PPP1R12B: variants seen among roughly 807,000 people sequenced by gnomAD.
The protein encoded by PPP1R12B is myosin phosphatase target subunit 2.
In PPP1R12B, 76 loss-of-function variants were observed where a neutral mutation model predicts 126.1. The ratio of observed to expected loss-of-function variants is 0.60; its 90% CI spans 0.50 to 0.73. PPP1R12B has a LOEUF of 0.73. Ranked by LOEUF, PPP1R12B falls within the 30% of genes least tolerant of loss-of-function variation. The pLI is 0.00. For synonymous variants in PPP1R12B, 356 were observed against 434.7 expected (o/e 0.82, Z 2.25); for missense variants, 1,052 against 1,205.1 (o/e 0.87, Z 1.88).
intron 13 of PPP1R12B, among the ~76,000 whole-genome samples, chr1:202,475,095 C>A (rs1294186840): frequency 2.0e-5 from 3 of 152,128 alleles, no homozygotes; most frequent in Admixed American, 6.6e-5. Context: ...TTAAGTGATT[C>A]TCTTAAGACC....
At position 202,537,842 on chromosome 1, in the gene PPP1R12B, T is replaced by C. The variant is rs1047677144; in HGVS notation, c.2491-21035T>C. On this transcript the variant is annotated intron_variant, in intron 18 of 23. Transcript: ENST00000608999. Reference sequence around the variant, plus strand: ...GTCATGCTACCAAGCATGGGAATGTTAGTATTTAGGTTTACATCAGTATTT... The same window carrying C: ...GTCATGCTACCAAGCATGGGAATGTCAGTATTTAGGTTTACATCAGTATTT... 3.3e-5 allele frequency among the ~76,000 whole-genome samples: 5 copies of C among 152,348 alleles called. 1 individual carries two copies.
At chr1:202,394,312 G>GA (rs945803009) in intron 1 of PPP1R12B, among the ~76,000 whole-genome samples, 5 of 148,380 alleles carry the variant, frequency 3.4e-5, no homozygotes, top group Admixed American at 1.3e-4. Flanking sequence ...CTCAAAAAAA[G>GA]AAAAAAAAAA....
intron 5 of PPP1R12B, among the ~76,000 whole-genome samples, 164 bp downstream of exon 5, chr1:202,427,348 CAG>C (rs1669663552): frequency 6.6e-6 from 1 of 152,132 alleles, no homozygotes. Context: ...CCTATTAACA[CAG>C]AGTTATGTTT....
chr1:202,543,827 C>A (rs926266001), intron 18 of PPP1R12B, among the ~76,000 whole-genome samples: 8 of 152,206 alleles, frequency 5.3e-5, no homozygotes, highest in Admixed American at 3.3e-4. Context: ...CTCCTACCGA[C>A]AGTAAGAATG....
At chr1:202,445,340 C>T in intron 12 of PPP1R12B, 3 of 926,726 alleles carry the variant, frequency 3.2e-6, no homozygotes, top group Non-Finnish European at 4.2e-6. Context: ...AGTTAGAACT[C>T]CTGAGAAAAT....
At chr1:202,481,145 G>A (rs1442639549) in intron 13 of PPP1R12B, among the ~76,000 whole-genome samples, 1 of 152,200 alleles carries the variant, frequency 6.6e-6, no homozygotes, top group East Asian at 1.9e-4. Flanking sequence ...TCTGACAGAG[G>A]GCAGAGCTCA....
At chr1:202,379,358 A>G (rs1470500625) in intron 1 of PPP1R12B, among the ~76,000 whole-genome samples, 1 of 152,170 alleles carries the variant, frequency 6.6e-6, no homozygotes, top group Non-Finnish European at 1.5e-5. Context: ...TCCTCCAAAG[A>G]GCCTGATTCA....
At chr1:202,513,716 G>C (rs1276613457) in intron 18 of PPP1R12B, among the ~76,000 whole-genome samples, 1 of 152,172 alleles carries the variant, frequency 6.6e-6, no homozygotes. Flanking sequence ...GTGGTTCAAT[G>C]TCTCAATGAC....
At chr1:202,405,891 C>T (rs184076912) in intron 1 of PPP1R12B, among the ~76,000 whole-genome samples, 238 of 152,244 alleles carry the variant, frequency 1.6e-3, no homozygotes, top group African/African-American at 5.2e-3. Flanking sequence ...CTATATAAAA[C>T]GCTTGATGAA....
intron 23 of PPP1R12B, among the ~76,000 whole-genome samples, chr1:202,573,600 C>T (rs909554233): frequency 1.3e-5 from 2 of 152,196 alleles, no homozygotes; most frequent in African/African-American, 2.4e-5. Flanking sequence ...CATTATTCTC[C>T]TCCCAAAGAG....
rs765370263 is a variant in PPP1R12B, at chr1:202,449,750, G to A, written c.1850+579G>A. ...CGCCCAGGCTGGAGTGCAGTGGCGC[G>A]ATCTCAGCTCACTGCAGGCTCTGCC... On this transcript the variant is annotated intron_variant, in intron 13 of 23. Transcript: ENST00000608999. Among the ~76,000 whole-genome samples the A allele has an allele frequency of 2.9e-4, 44 of 150,952 alleles. 1 individual carries two copies. Among genetic ancestry groups the A allele is most frequent in the South Asian group, 1.1e-3 (5 of 4,748 alleles).
intron 1 of PPP1R12B, among the ~76,000 whole-genome samples, chr1:202,353,635 G>A (rs1275951758): frequency 1.1e-5 from 1 of 93,524 alleles, no homozygotes; most frequent in Non-Finnish European, 2.2e-5. Flanking sequence ...TGTGTGACAG[G>A]GTCTTGCCCT....
At chr1:202,539,212 C>T (rs887262676) in intron 18 of PPP1R12B, among the ~76,000 whole-genome samples, 3 of 152,220 alleles carry the variant, frequency 2.0e-5, no homozygotes, top group African/African-American at 4.8e-5. Flanking sequence ...CTGCTGCCTA[C>T]TCTGAGGCAG....
chr1:202,421,408 G>A (rs1668754008), intron 2 of PPP1R12B, among the ~76,000 whole-genome samples: 3 of 151,060 alleles, frequency 2.0e-5, no homozygotes, highest in South Asian at 2.1e-4. Flanking sequence ...AGGCCGAGGC[G>A]GGCGGACTAC....
At chr1:202,472,320 A>G (rs1676038998) in intron 13 of PPP1R12B, among the ~76,000 whole-genome samples, 1 of 152,078 alleles carries the variant, frequency 6.6e-6, no homozygotes, top group South Asian at 2.1e-4. Flanking sequence ...TTGTGTGTTT[A>G]GTTTCTTGAG....
At chr1:202,539,421 G>T (rs531997071) in intron 18 of PPP1R12B, among the ~76,000 whole-genome samples, 2 of 152,190 alleles carry the variant, frequency 1.3e-5, no homozygotes, top group African/African-American at 4.8e-5. Flanking sequence ...GAAAATAGAA[G>T]AGGGGAGGGG....
chr1:202,549,240 T>C (rs1202318287), intron 18 of PPP1R12B, among the ~76,000 whole-genome samples: 2 of 152,138 alleles, frequency 1.3e-5, no homozygotes, highest in African/African-American at 2.4e-5. Flanking sequence ...CATAATAGTG[T>C]CATTTTTCAT....
At chr1:202,451,157 ATTTATTT>A (rs1362001291) in intron 13 of PPP1R12B, among the ~76,000 whole-genome samples, 3 of 149,518 alleles carry the variant, frequency 2.0e-5, no homozygotes, top group South Asian at 4.2e-4. Context: ...AGTATGATTT[ATTTATTT>A]TTTATTTTTT....
intron 13 of PPP1R12B, among the ~76,000 whole-genome samples, chr1:202,471,036 C>T (rs903190428): frequency 1.2e-4 from 18 of 152,118 alleles, no homozygotes; most frequent in Admixed American, 2.6e-4. Flanking sequence ...TATAGCTAAG[C>T]TCCTGTGTAT....
Sources: gnomAD v4.1 joint callset for allele counts (sites outside exome capture counted in the v4.1 genomes callset) on GRCh38, gnomAD v4.1.1 for gene constraint, MANE v1.5 for transcripts, NCBI Gene and HGNC (gene_info 2026-07-23, HGNC 2026-07-21) for gene names.